ARSJ: variants seen among roughly 807,000 people sequenced by gnomAD.
The protein encoded by ARSJ is arylsulfatase family member J.
In ARSJ, 26 loss-of-function variants were observed where a neutral mutation model predicts 35.9. The ratio of observed to expected loss-of-function variants is 0.72; its 90% CI spans 0.53 to 1.00. The LOEUF is 1.00. ARSJ is among the 50% of genes least tolerant of loss of function. The pLI, the probability that ARSJ is intolerant of heterozygous loss-of-function variation, is 0.00. For missense variants in ARSJ, 667 were observed against 723.6 expected, an observed-to-expected ratio of 0.92 and a Z score of 0.90; for synonymous variants, 294 against 267.6, an observed-to-expected ratio of 1.10 and a Z score of -0.96.
chr4:113,907,884 C>T (rs575785566), intron 1 of ARSJ, among the ~76,000 whole-genome samples: 1 of 152,132 alleles, frequency 6.6e-6, no homozygotes, highest in African/African-American at 2.4e-5. Context: ...GAGTGCTAAA[C>T]TTTGATTGCA....
At chr4:113,920,930 A>G (rs1209734492) in intron 1 of ARSJ, among the ~76,000 whole-genome samples, 1 of 152,168 alleles carries the variant, frequency 6.6e-6, no homozygotes, top group Non-Finnish European at 1.5e-5. Flanking sequence ...CATTAAATAA[A>G]GAGCAATGGC....
At chr4:113,954,759 T>C (rs1313066846) in intron 1 of ARSJ, among the ~76,000 whole-genome samples, 6 of 152,092 alleles carry the variant, frequency 3.9e-5, no homozygotes, top group Non-Finnish European at 5.9e-5. Flanking sequence ...GAAAATGGAA[T>C]CTTATAAAAG....
intron 1 of ARSJ, among the ~76,000 whole-genome samples, chr4:113,930,985 T>C (rs1332702215): frequency 1.5e-5 from 2 of 136,092 alleles, no homozygotes; most frequent in Non-Finnish European, 1.6e-5. Context: ...TGAGATCACA[T>C]GGACACAGGA....
At chr4:113,931,902 A>G (rs1000266558) in intron 1 of ARSJ, among the ~76,000 whole-genome samples, 1 of 152,078 alleles carries the variant, frequency 6.6e-6, no homozygotes, top group African/African-American at 2.4e-5. Flanking sequence ...GTGAGAATTC[A>G]TAACAAATAC....
chr4:113,918,845 T>C (rs1431027883), intron 1 of ARSJ, among the ~76,000 whole-genome samples: 1 of 152,042 alleles, frequency 6.6e-6, no homozygotes, highest in African/African-American at 2.4e-5. Flanking sequence ...CAGGCTGGAG[T>C]GCAGTGGCGT....
chr4:113,955,812 C>T (rs1164887138), intron 1 of ARSJ, among the ~76,000 whole-genome samples: 1 of 152,066 alleles, frequency 6.6e-6, no homozygotes, highest in African/African-American at 2.4e-5. Context: ...AGAGCTTCTG[C>T]TACCTTGTGG....
intron 1 of ARSJ, among the ~76,000 whole-genome samples, chr4:113,952,648 C>T (rs1242503346): frequency 2.0e-5 from 3 of 152,030 alleles, no homozygotes; most frequent in African/African-American, 7.2e-5. Flanking sequence ...AAATAGAGGG[C>T]TGAGAACTAG....
intron 1 of ARSJ, among the ~76,000 whole-genome samples, chr4:113,939,502 G>A (rs528088287): frequency 1.2e-4 from 18 of 152,250 alleles, no homozygotes; most frequent in Admixed American, 6.5e-4. Flanking sequence ...TTCCACAAGG[G>A]TTGAACTAGT....
intron 1 of ARSJ, chr4:113,970,765 G>A (rs1023941138): frequency 6.6e-6 from 1 of 152,274 alleles, no homozygotes. Flanking sequence ...GACCAGCTTG[G>A]ACAACATGGC....
intron 1 of ARSJ, among the ~76,000 whole-genome samples, chr4:113,937,371 G>A (rs1332423134): frequency 6.6e-6 from 1 of 151,900 alleles, no homozygotes; most frequent in Non-Finnish European, 1.5e-5. Flanking sequence ...AATAAAGTAG[G>A]TATTGATGGA....
chr4:113,958,650 T>C (rs1726347069), intron 1 of ARSJ, among the ~76,000 whole-genome samples: 1 of 152,022 alleles, frequency 6.6e-6, no homozygotes, highest in African/African-American at 2.4e-5. Flanking sequence ...AATAGATACA[T>C]AACAGAGCTT....
chr4:113,952,186 C>T (rs761416892), intron 1 of ARSJ, among the ~76,000 whole-genome samples: 2 of 152,038 alleles, frequency 1.3e-5, no homozygotes, highest in Admixed American at 6.6e-5. Flanking sequence ...CCTCTCATCT[C>T]AGCCTCTCAA....
intron 1 of ARSJ, among the ~76,000 whole-genome samples, chr4:113,951,897 G>A (rs1331392502): frequency 6.6e-6 from 1 of 151,832 alleles, no homozygotes; most frequent in African/African-American, 2.4e-5. Context: ...ACTTTGATTT[G>A]TTACTCAATT....
chr4:113,937,849 T>G (rs1234318399), intron 1 of ARSJ, among the ~76,000 whole-genome samples: 3 of 152,026 alleles, frequency 2.0e-5, no homozygotes, highest in Non-Finnish European at 4.4e-5. Context: ...GAAGGACCTC[T>G]TCAAGGAGAA....
At chr4:113,925,683 C>T (rs954734281) in intron 1 of ARSJ, among the ~76,000 whole-genome samples, 1 of 152,122 alleles carries the variant, frequency 6.6e-6, no homozygotes, top group African/African-American at 2.4e-5. Context: ...TGTGGAATAC[C>T]ATGATGGTGG....
At chr4:113,922,262 C>CA (rs1723730067) in intron 1 of ARSJ, among the ~76,000 whole-genome samples, 1 of 152,076 alleles carries the variant, frequency 6.6e-6, no homozygotes, top group African/African-American at 2.4e-5. Context: ...CAGCCCAAAT[C>CA]AAATATTGTT....
At chr4:113,908,478 A>G (rs1161903149) in intron 1 of ARSJ, among the ~76,000 whole-genome samples, 2 of 152,246 alleles carry the variant, frequency 1.3e-5, no homozygotes, top group Admixed American at 6.5e-5. Flanking sequence ...TCCATTTTTT[A>G]CACGTCAGCT....
chr4:113,919,824 A>G (rs559772662), intron 1 of ARSJ, among the ~76,000 whole-genome samples: 1 of 152,288 alleles, frequency 6.6e-6, no homozygotes, highest in Admixed American at 6.5e-5. Flanking sequence ...AAGGAGAGGA[A>G]CCTGAAAGAT....
At chr4:113,963,191 C>T (rs186302767) in intron 1 of ARSJ, among the ~76,000 whole-genome samples, 2 of 151,956 alleles carry the variant, frequency 1.3e-5, no homozygotes, top group Non-Finnish European at 2.9e-5. Flanking sequence ...TGTCTTCTTG[C>T]ACTAGAATAT....
Sources: allele counts gnomAD v4.1 joint callset (sites outside exome capture counted in the v4.1 genomes callset), GRCh38; gene constraint gnomAD v4.1.1; transcripts MANE v1.5; gene names NCBI Gene and HGNC (gene_info 2026-07-23, HGNC 2026-07-21).